The following MTA3 variants were observed in gnomAD, a reference collection of about 807,000 sequenced individuals.
MTA3 encodes metastasis associated 1 family member 3.
In MTA3, 34 loss-of-function variants were observed where a neutral mutation model predicts 83.5. That is an observed-to-expected ratio of 0.41 (90% confidence interval 0.31 to 0.54). The LOEUF (loss-of-function observed/expected upper bound fraction) is 0.54. Ranked by LOEUF, MTA3 falls within the 20% of genes least tolerant of loss-of-function variation. The pLI is 0.33. For synonymous variants in MTA3, 303 were observed against 252.7 expected, an observed-to-expected ratio of 1.20 and a Z score of -1.89; for missense variants, 761 against 726.4, an observed-to-expected ratio of 1.05 and a Z score of -0.55.
intron 2 of MTA3, among the ~76,000 whole-genome samples, chr2:42,516,836 C>T (rs550175188): frequency 6.6e-6 from 1 of 152,262 alleles, no homozygotes; most frequent in South Asian, 2.1e-4. Context: ...CATGAAAATG[C>T]AGTATCTGCC....
intron 3 of MTA3, among the ~76,000 whole-genome samples, chr2:42,585,457 A>G (rs987342429): frequency 2.0e-5 from 3 of 148,340 alleles, no homozygotes; most frequent in Admixed American, 6.9e-5. Flanking sequence ...AGACCAAATG[A>G]TTCTTTTTTC....
At chr2:42,635,715 C>CTGTT (rs1159003086) in intron 4 of MTA3, among the ~76,000 whole-genome samples, 1 of 152,062 alleles carries the variant, frequency 6.6e-6, no homozygotes, top group Admixed American at 6.6e-5. Flanking sequence ...AGCAATAATA[C>CTGTT]TGTTTGTTGA....
chr2:42,576,974 A>G (rs1479840809), intron 2 of MTA3, among the ~76,000 whole-genome samples: 2 of 150,506 alleles, frequency 1.3e-5, no homozygotes, highest in Non-Finnish European at 3.0e-5. Context: ...AAGCTAGGGA[A>G]AAAAGGCTAC....
intron 2 of MTA3, among the ~76,000 whole-genome samples, chr2:42,544,276 T>A (rs1676656324): frequency 6.6e-6 from 1 of 151,632 alleles, no homozygotes; most frequent in Non-Finnish European, 1.5e-5. Context: ...TGAAACCTCG[T>A]CTCTACTAAA....
At chr2:42,620,683 G>C (rs1282859699) in intron 4 of MTA3, among the ~76,000 whole-genome samples, 1 of 152,102 alleles carries the variant, frequency 6.6e-6, no homozygotes, top group Non-Finnish European at 1.5e-5. Flanking sequence ...TGTAGGGATA[G>C]AGTCTAGCTA....
rs1670208039 is a variant in MTA3, at chr2:42,755,882, A to G, written c.*2483A>G. 1 of 985,438 alleles carries G rather than the reference A, an allele frequency of 1.0e-6. No individual in the cohort carries two copies. The highest frequency in any genetic ancestry group is 1.7e-5 in the African/African-American group (1 of 57,260). The allele number at this position is 985,438 out of a possible 1,614,324, so 61.0% of individuals were successfully genotyped here. ...TGCAGGCTATCTCCCCCTCTGGCTC[A>G]GTCATCGCCTGCCCACCCTTCACTT... On this transcript the variant is annotated 3_prime_UTR_variant, in exon 17 of 17. Transcript: ENST00000405094.
intron 2 of MTA3, among the ~76,000 whole-genome samples, chr2:42,553,680 A>T (rs1572972484): frequency 6.6e-6 from 1 of 151,668 alleles, no homozygotes; most frequent in South Asian, 2.1e-4. Flanking sequence ...GGTTGCAGTG[A>T]GCCGAGATCA....
chr2:42,727,234 G>T (rs951023793), intron 16 of MTA3, among the ~76,000 whole-genome samples: 18 of 152,094 alleles, frequency 1.2e-4, no homozygotes, highest in African/African-American at 4.1e-4. Context: ...ATCTGCATAC[G>T]CAAGAAGCCT....
intron 8 of MTA3, among the ~76,000 whole-genome samples, chr2:42,672,343 T>TAACAAAAAAAAA (rs1690877374): frequency 7.1e-6 from 1 of 140,254 alleles, no homozygotes. Context: ...TCCTCTCTAT[T>TAACAAAAAAAAA]AAAAAAAAAA....
chr2:42,601,533 G>A (rs1682575039), intron 3 of MTA3, among the ~76,000 whole-genome samples: 1 of 152,266 alleles, frequency 6.6e-6, no homozygotes, highest in South Asian at 2.1e-4. Flanking sequence ...TCGCTGGTGC[G>A]TGCCGCCACA....
At chr2:42,546,136 A>G (rs1181280225) in intron 2 of MTA3, among the ~76,000 whole-genome samples, 1 of 152,194 alleles carries the variant, frequency 6.6e-6, no homozygotes, top group Non-Finnish European at 1.5e-5. Context: ...ATTTTTAATA[A>G]GAAACCATTA....
At chr2:42,747,551 C>G (rs565952533) in intron 16 of MTA3, among the ~76,000 whole-genome samples, 2 of 151,566 alleles carry the variant, frequency 1.3e-5, no homozygotes, top group African/African-American at 4.8e-5. Flanking sequence ...TTTTCTGAGG[C>G]CTGCTCTTGA....
At chr2:42,600,306 G>C (rs1400069629) in intron 3 of MTA3, among the ~76,000 whole-genome samples, 9 of 152,088 alleles carry the variant, frequency 5.9e-5, no homozygotes. Flanking sequence ...TGTTAGTGAA[G>C]GGCTCCCAGA....
intron 2 of MTA3, among the ~76,000 whole-genome samples, chr2:42,563,113 C>T (rs1035338316): frequency 1.1e-4 from 17 of 152,272 alleles, no homozygotes; most frequent in Admixed American, 2.0e-4. Flanking sequence ...TCACCAACCT[C>T]CCAACTGATC....
At chr2:42,742,650 A>T (rs577918084) in intron 16 of MTA3, among the ~76,000 whole-genome samples, 20 of 152,300 alleles carry the variant, frequency 1.3e-4, no homozygotes, top group African/African-American at 4.8e-4. Flanking sequence ...AAATTGAATT[A>T]TATCCTCTTC....
intron 8 of MTA3, among the ~76,000 whole-genome samples, chr2:42,680,725 T>C (rs1691812800): frequency 6.6e-6 from 1 of 152,238 alleles, no homozygotes; most frequent in South Asian, 2.1e-4. Flanking sequence ...TTTTGGAACC[T>C]AGTTATTCAT....
intron 16 of MTA3, among the ~76,000 whole-genome samples, chr2:42,738,163 G>A (rs1249807353): frequency 6.6e-6 from 1 of 152,186 alleles, no homozygotes; most frequent in African/African-American, 2.4e-5. Context: ...TCGGGAGGCT[G>A]AGGTGGGAGG....
chr2:42,754,215 G>A lies in MTA3; in HGVS notation c.*816G>A, dbSNP rs954692077. 2.0e-6 allele frequency: 2 copies of A among 985,370 alleles called. No individual in the cohort carries two copies. Among genetic ancestry groups the A allele is most frequent in the Non-Finnish European group, 2.4e-6 (2 of 829,994 alleles). 61.0% of individuals were successfully genotyped at this position (985,370 alleles called of 1,614,324 possible). On this transcript the variant is annotated 3_prime_UTR_variant, in exon 17 of 17. Coordinates refer to ENST00000405094, the MANE Select transcript of MTA3 (RefSeq NM_001330442.2). ...CGTTTGCTTACTGCCCTGTTCCCTT[G>A]CAGCCAAACCAGCTGATGAAGAACT...
In MTA3 at chr2:42,586,557, A is replaced by AACACACAC. The variant is rs68029790; in HGVS notation, c.190+7409_190+7416dup. On this transcript the variant is annotated intron_variant, in intron 3 of 16. Coordinates refer to ENST00000405094, the MANE Select transcript of MTA3 (RefSeq NM_001330442.2). ...AAAACACACACACACAAGGAAGGAAAACACACACACACACACACACACACA... is the reference window on the plus strand; with the variant it reads ...AAAACACACACACACAAGGAAGGAAAACACACACACACACACACACACACACACACACA... Among the ~76,000 whole-genome samples the AACACACAC allele has an allele frequency of 4.5e-3, 563 of 125,874 alleles. 4 individuals carry two copies. Among genetic ancestry groups the AACACACAC allele is most frequent in the East Asian group, 7.1e-3 (27 of 3,816 alleles). 82.6% of individuals were successfully genotyped at this position (125,874 alleles called of 152,430 possible).
Sources: gnomAD v4.1 joint callset for allele counts (sites outside exome capture counted in the v4.1 genomes callset) on GRCh38, gnomAD v4.1.1 for gene constraint, MANE v1.5 for transcripts, NCBI Gene and HGNC (gene_info 2026-07-23, HGNC 2026-07-21) for gene names.